Variants in SBF2 observed in about 807,000 individuals in gnomAD.
SBF2 encodes the protein SET binding factor 2, also known as myotubularin-related protein 13.
Under a neutral mutation model 225.2 loss-of-function variants are expected in SBF2, and 112 were observed. The ratio of observed to expected loss-of-function variants is 0.50; its 90% CI spans 0.43 to 0.58. The LOEUF (loss-of-function observed/expected upper bound fraction) is 0.58. Ranked by LOEUF, SBF2 falls within the 20% of genes least tolerant of loss-of-function variation. The pLI, the probability that SBF2 is intolerant of heterozygous loss-of-function variation, is 0.00. For synonymous variants in SBF2, 763 were observed against 773.3 expected (o/e 0.99, Z 0.22); for missense variants, 1,996 against 2,206.2 (o/e 0.90, Z 1.91).
intron 1 of SBF2, among the ~76,000 whole-genome samples, chr11:10,252,928 G>A (rs921385979): frequency 1.3e-5 from 2 of 151,448 alleles, no homozygotes; most frequent in African/African-American, 4.9e-5. Flanking sequence ...CCCATTTTTT[G>A]TCTATAAATC....
intron 1 of SBF2, among the ~76,000 whole-genome samples, chr11:10,233,972 T>G (rs1467274206): frequency 6.6e-6 from 1 of 152,222 alleles, no homozygotes; most frequent in Non-Finnish European, 1.5e-5. Context: ...TCATTGTTCC[T>G]CAATCAACCT....
intron 2 of SBF2, among the ~76,000 whole-genome samples, chr11:10,132,950 TAC>T (rs1325251863): frequency 6.7e-6 from 1 of 149,110 alleles, no homozygotes; most frequent in Non-Finnish European, 1.5e-5. Flanking sequence ...AGAAGCTAGG[TAC>T]AGAGTGTCGA....
chr11:10,245,259 G>A (rs1959665248), intron 1 of SBF2, among the ~76,000 whole-genome samples: 1 of 152,026 alleles, frequency 6.6e-6, no homozygotes, highest in Non-Finnish European at 1.5e-5. Flanking sequence ...AAAACCACAT[G>A]GAGGCCTGGT....
chr11:10,205,725 C>T (rs947763098), intron 1 of SBF2, among the ~76,000 whole-genome samples: 1 of 151,978 alleles, frequency 6.6e-6, no homozygotes, highest in Non-Finnish European at 1.5e-5. Context: ...ACTCCCTTTC[C>T]CCAAAGGCAG....
intron 2 of SBF2, among the ~76,000 whole-genome samples, chr11:10,118,632 A>G (rs1275043743): frequency 6.6e-6 from 1 of 152,098 alleles, no homozygotes; most frequent in Non-Finnish European, 1.5e-5. Context: ...TGATAATCAG[A>G]TGTAAAAATT....
At chr11:9,998,449 T>C in intron 8 of SBF2, 70 bp from the exon 9 acceptor site, 1 of 853,798 alleles carries the variant, frequency 1.2e-6, no homozygotes, top group East Asian at 2.5e-5. Flanking sequence ...TATTTTTCCC[T>C]TGACTAATTC....
intron 16 of SBF2, among the ~76,000 whole-genome samples, chr11:9,949,251 T>C (rs1237790969): frequency 6.6e-6 from 1 of 152,178 alleles, no homozygotes; most frequent in East Asian, 1.9e-4. Flanking sequence ...GTCATCTTAT[T>C]AGTAAAAATA....
chr11:9,812,817 G>T, intron 29 of SBF2, 109 bp from the exon 30 acceptor site: 1 of 1,079,540 alleles, frequency 9.3e-7, no homozygotes, highest in Non-Finnish European at 1.4e-6. Context: ...CCAAATAGCT[G>T]CAGAGGCTGC....
intron 1 of SBF2, among the ~76,000 whole-genome samples, chr11:10,277,652 C>T (rs1291260052): frequency 6.6e-6 from 1 of 152,114 alleles, no homozygotes; most frequent in Non-Finnish European, 1.5e-5. Flanking sequence ...TGAAAATTAT[C>T]ATGGATTTAG....
At chr11:9,857,900 C>T (rs1190125488) in intron 18 of SBF2, among the ~76,000 whole-genome samples, 1 of 152,032 alleles carries the variant, frequency 6.6e-6, no homozygotes, top group Non-Finnish European at 1.5e-5. Context: ...TTTGACATTC[C>T]TCCAGGGAAG....
chr11:10,229,131 T>C (rs1269769340), intron 1 of SBF2, among the ~76,000 whole-genome samples: 1 of 152,146 alleles, frequency 6.6e-6, no homozygotes, highest in Non-Finnish European at 1.5e-5. Flanking sequence ...TCTCTGATGG[T>C]AGTTTGTATT....
chr11:9,781,015 A>G (rs1851970098), intron 39 of SBF2, among the ~76,000 whole-genome samples: 1 of 152,228 alleles, frequency 6.6e-6, no homozygotes, highest in African/African-American at 2.4e-5. Context: ...TATCCTCTTT[A>G]TAAAGCCCTG....
chr11:10,003,538 T>C (rs1325263533), intron 6 of SBF2, among the ~76,000 whole-genome samples: 2 of 152,056 alleles, frequency 1.3e-5, no homozygotes, highest in Non-Finnish European at 2.9e-5. Flanking sequence ...CAGCTAATTT[T>C]TTCTATTTTT....
Position 10,230,670 on chromosome 11 carries a change from T to G in SBF2, c.56-36683A>C, listed in dbSNP as rs187692005. Among the ~76,000 whole-genome samples the G allele has an allele frequency of 2.6e-5, 4 of 152,344 alleles. No homozygotes were observed. In the East Asian group the frequency reaches 7.7e-4, roughly 29 times the overall value. ...TTCTTTTGGCTTGTAGAGTTTCTGC[T>G]GAGAGATCCGCTGTTAGTCTGATGG... On this transcript the variant is annotated intron_variant, in intron 1 of 39. Transcript: ENST00000256190.
At chr11:9,808,220 T>C in intron 31 of SBF2, 35 bp from the exon 32 acceptor site, 4 of 1,593,874 alleles carry the variant, frequency 2.5e-6, no homozygotes, top group Non-Finnish European at 3.4e-6. Flanking sequence ...TCATTAATTT[T>C]AGTTCTGAAA....
intron 1 of SBF2, among the ~76,000 whole-genome samples, chr11:10,209,370 C>G (rs987315625): frequency 6.6e-6 from 1 of 151,882 alleles, no homozygotes; most frequent in South Asian, 2.1e-4. Context: ...CCTGGAGCAT[C>G]GCATCTACAG....
chr11:9,890,540 T>A (rs1028707592), intron 17 of SBF2, among the ~76,000 whole-genome samples: 5 of 152,178 alleles, frequency 3.3e-5, no homozygotes, highest in African/African-American at 1.2e-4. Context: ...GCCAACTACA[T>A]GTGGAGGATC....
intron 3 of SBF2, among the ~76,000 whole-genome samples, chr11:10,035,517 T>G (rs1949401607): frequency 6.6e-6 from 1 of 152,214 alleles, no homozygotes; most frequent in Non-Finnish European, 1.5e-5. Flanking sequence ...TCTACCCATC[T>G]GACAAAGGGC....
At chr11:10,237,214 G>T (rs1959107242) in intron 1 of SBF2, among the ~76,000 whole-genome samples, 1 of 152,166 alleles carries the variant, frequency 6.6e-6, no homozygotes, top group Non-Finnish European at 1.5e-5. Flanking sequence ...GGGTGTGGTG[G>T]TATATACCTG....
Sources: allele counts gnomAD v4.1 joint callset (sites outside exome capture counted in the v4.1 genomes callset), GRCh38; gene constraint gnomAD v4.1.1; transcripts MANE v1.5; gene names NCBI Gene and HGNC (gene_info 2026-07-23, HGNC 2026-07-21).